The following HOXB6 variants were observed in gnomAD, a reference collection of about 807,000 sequenced individuals.
HOXB6 encodes the protein homeobox B6.
Under a neutral mutation model 24.2 loss-of-function variants are expected in HOXB6, and 18 were observed. The observed-to-expected ratio is 0.74, with a 90% CI of 0.51 to 1.10. The LOEUF is 1.10. Ranked by LOEUF, HOXB6 falls within the 50% of genes least tolerant of loss-of-function variation. The probability of loss-of-function intolerance (pLI) is 0.00; values close to 1 mark genes in which losing one functional copy is unlikely to be tolerated. For synonymous variants in HOXB6, 159 were observed against 139.1 expected (o/e 1.14, Z -1.01); for missense variants, 332 against 308.3 (o/e 1.08, Z -0.58).
chr17:48,600,064 T>C (rs951216681), intron 2 of HOXB6, among the ~76,000 whole-genome samples: 7 of 152,190 alleles, frequency 4.6e-5, no homozygotes, highest in African/African-American at 1.7e-4. Context: ...CTAACCTGAC[T>C]CTGTGGGAGT....
In HOXB6 at chr17:48,596,703, G is replaced by T. The variant is rs771024132; in HGVS notation, c.416-31C>A. 2 of 1,607,226 alleles carry T rather than the reference G, an allele frequency of 1.2e-6. No individual in the cohort carries two copies. Among genetic ancestry groups the T allele is most frequent in the Non-Finnish European group, 1.7e-6 (2 of 1,179,956 alleles). ...ACGCAGAGTGGAGATGCTGAGGCCT[G>T]CGGTCACCGGGCCCAGGACCCCCTC... is the stretch of plus-strand genomic sequence containing the variant. On this transcript the variant is annotated intron_variant, in intron 3 of 3. Coordinates refer to ENST00000225648, the MANE Select transcript of HOXB6 (RefSeq NM_018952.5). The surrounding 1 kb of genome is among the most constrained non-coding windows in gnomAD (Gnocchi z 4.8).
Position 48,596,381 on chromosome 17 carries a change from C to A in HOXB6, c.*32G>T. The A allele has an allele frequency of 6.2e-7, 1 of 1,614,180 alleles. No homozygotes were observed. On this transcript the variant is annotated 3_prime_UTR_variant, in exon 4 of 4. Coordinates refer to ENST00000225648, the MANE Select transcript of HOXB6 (RefSeq NM_018952.5). This position sits in a 1 kb window ranked among gnomAD's most constrained non-coding sequence, Gnocchi z 4.8. ...CGCCCTCGGCTCCCCACAGGCCTTT[C>A]CCCTCGCGTCCTCCCTCCCTTTCCA...
At chr17:48,602,254 T>G (rs761876476) in intron 2 of HOXB6, 1 of 455,608 alleles carries the variant, frequency 2.2e-6, no homozygotes, top group Non-Finnish European at 4.4e-6. Flanking sequence ...GACAACCGAG[T>G]GGAACTGACG....
intron 2 of HOXB6, among the ~76,000 whole-genome samples, 154 bp downstream of exon 2, chr17:48,604,326 A>C (rs11653186): frequency 2.6e-5 from 4 of 151,784 alleles, no homozygotes; most frequent in Non-Finnish European, 5.9e-5. Context: ...TATCTCCACC[A>C]CTGAATTTCC....
At chr17:48,600,548 AT>A (rs1470198785) in intron 2 of HOXB6, 10 of 455,440 alleles carry the variant, frequency 2.2e-5, no homozygotes, top group Non-Finnish European at 4.4e-5. Flanking sequence ...GCCCAGAGGT[AT>A]TTATGAGCGT....
chr17:48,598,056 T>C lies in HOXB6; in HGVS notation c.95A>G (p.Tyr32Cys). ...LGQLPLYSSG[Y>C]ADPLRHYPAP... Reference sequence around the variant, plus strand: ...GGGGTAATGTCTCAGCGGGTCCGCATAGCCCGACGAATAGAGCGGTAGCTG... The same window carrying C: ...GGGGTAATGTCTCAGCGGGTCCGCACAGCCCGACGAATAGAGCGGTAGCTG... Residue 32 changes from tyrosine to cysteine, a missense_variant, in exon 3 of 4, where the codon TAT (tyrosine) becomes TGT (cysteine). By Grantham distance (194) the Tyr-to-Cys change is radical (BLOSUM62 -2). Transcript: ENST00000225648. The C allele has an allele frequency of 6.2e-7, 1 of 1,603,644 alleles. No homozygotes were observed. Among genetic ancestry groups the C allele is most frequent in the Non-Finnish European group, 8.5e-7 (1 of 1,175,406 alleles).
At position 48,596,801 on chromosome 17, in the gene HOXB6, G is replaced by A; in HGVS notation, c.416-129C>T. 1 of 1,421,556 alleles carries A rather than the reference G, an allele frequency of 7.0e-7. No homozygotes were observed. Among genetic ancestry groups the A allele is most frequent in the Non-Finnish European group, 9.6e-7 (1 of 1,040,808 alleles). 88.1% of individuals were successfully genotyped at this position (1,421,556 alleles called of 1,614,324 possible). Reference sequence around the variant, plus strand: ...TCTATTCTGCCGGCTCCCTTCCCCCGTTTCGCACTCCTCCAGCGCCCCCTC... The same window carrying A: ...TCTATTCTGCCGGCTCCCTTCCCCCATTTCGCACTCCTCCAGCGCCCCCTC... On this transcript the variant is annotated intron_variant, in intron 3 of 3. Coordinates refer to ENST00000225648, the MANE Select transcript of HOXB6 (RefSeq NM_018952.5). The surrounding 1 kb of genome is among the most constrained non-coding windows in gnomAD (Gnocchi z 4.8).
intron 2 of HOXB6, among the ~76,000 whole-genome samples, chr17:48,602,837 A>G (rs545052455): frequency 1.3e-5 from 2 of 152,354 alleles, no homozygotes; most frequent in East Asian, 3.9e-4. Context: ...CTACAGGAGA[A>G]AAAGACCTTT....
chr17:48,597,801 T>C lies in HOXB6; in HGVS notation c.350A>G (p.Glu117Gly). 1.2e-6 allele frequency: 2 copies of C among 1,610,996 alleles called. No homozygotes were observed. The highest frequency in any genetic ancestry group is 1.7e-6 in the Non-Finnish European group (2 of 1,178,658). The change falls in exon 3 of 4, where the codon GAG (glutamate) becomes GGG (glycine). Residue 117 changes from glutamate (E) to glycine (G), a missense_variant. Glu to Gly is a moderately conservative substitution (Grantham distance 98). Transcript: ENST00000225648. Reference protein sequence around the residue: ...DCAQDKSVFGETEEQKCSTPV... With the variant: ...DCAQDKSVFGGTEEQKCSTPV... Reference sequence around the variant, plus strand: ...AGTGGAGCACTTCTGCTCTTCTGTCTCGCCGAACACGCTCTTGTCCTGCGC... The same window carrying C: ...AGTGGAGCACTTCTGCTCTTCTGTCCCGCCGAACACGCTCTTGTCCTGCGC...
chr17:48,604,888 T>C lies in HOXB6; in HGVS notation c.-241A>G, dbSNP rs886698005. 1.3e-5 allele frequency: 2 copies of C among 152,404 alleles called. No homozygotes were observed. Among genetic ancestry groups the C allele is most frequent in the African/African-American group, 4.8e-5 (2 of 41,376 alleles). The allele number at this position is 152,404 out of a possible 1,614,324, so 9.4% of individuals were successfully genotyped here. On this transcript the variant is annotated 5_prime_UTR_variant, in exon 1 of 4. Coordinates refer to ENST00000225648, the MANE Select transcript of HOXB6 (RefSeq NM_018952.5). Reference sequence around the variant, plus strand: ...CCCCTCTCTCGTCCTCTCTCTCTTTTGCTCTATCGAGCTGATACTGAAGTA... The same window carrying C: ...CCCCTCTCTCGTCCTCTCTCTCTTTCGCTCTATCGAGCTGATACTGAAGTA...
intron 2 of HOXB6, chr17:48,602,272 C>A (rs944174990): frequency 6.6e-6 from 3 of 455,104 alleles, no homozygotes; most frequent in African/African-American, 4.0e-5. Context: ...ACGGGGCCGG[C>A]GCCTGCCCTG....
rs527993573 is a variant in HOXB6, at chr17:48,602,089, A to C, written c.-79+2391T>G. 1.1e-5 allele frequency: 5 copies of C among 456,018 alleles called. No homozygotes were observed. In the East Asian group the frequency reaches 3.5e-4, roughly 32 times the overall value. The allele number at this position is 456,018 out of a possible 1,614,324, so 28.2% of individuals were successfully genotyped here. Reference sequence around the variant, plus strand: ...ATCATATTTAGGTAGACTTCGCTTGAAAAGATCGAGAATGGAGGAGGGGAT... The same window carrying C: ...ATCATATTTAGGTAGACTTCGCTTGCAAAGATCGAGAATGGAGGAGGGGAT... On this transcript the variant is annotated intron_variant, in intron 2 of 3. Transcript: ENST00000225648.
At chr17:48,597,134 T>A (rs946877414) in intron 3 of HOXB6, 37 of 1,038,448 alleles carry the variant, frequency 3.6e-5, no homozygotes, top group Non-Finnish European at 4.2e-5. Flanking sequence ...GGCCAACAAA[T>A]AATCCAACCT....
rs1322740801 is a variant in HOXB6 at position 48,596,379 on chromosome 17, T to C, written c.*34A>G. On this transcript the variant is annotated 3_prime_UTR_variant, in exon 4 of 4. Transcript: ENST00000225648. This position sits in a 1 kb window ranked among gnomAD's most constrained non-coding sequence, Gnocchi z 4.8. ...GACGCCCTCGGCTCCCCACAGGCCT[T>C]TCCCCTCGCGTCCTCCCTCCCTTTC... 1 of 1,613,948 alleles carries C rather than the reference T, an allele frequency of 6.2e-7. No homozygotes were observed. Among genetic ancestry groups the C allele is most frequent in the African/African-American group, 1.3e-5 (1 of 74,916 alleles).
At position 48,595,772 on chromosome 17, in the gene HOXB6, ATTGTTG is replaced by A. The variant is rs772248057; in HGVS notation, c.*635_*640del. ...AGCGTCGAGTTTTCACATCTTTATT[ATTGTTG>A]TTGTTGTTGTTATTATTATTATTAT... On this transcript the variant is annotated 3_prime_UTR_variant, in exon 4 of 4. Coordinates refer to ENST00000225648, the MANE Select transcript of HOXB6 (RefSeq NM_018952.5). 2 of 192,874 alleles carry A rather than the reference ATTGTTG, an allele frequency of 1.0e-5. No individual in the cohort carries two copies. The highest frequency in any genetic ancestry group is 2.1e-5 in the Non-Finnish European group (2 of 93,266). 11.9% of individuals were successfully genotyped at this position (192,874 alleles called of 1,614,324 possible). A position where few individuals can be genotyped will look rare whatever the true frequency, so the allele number is the denominator to read the frequency against.
At position 48,597,785 on chromosome 17, in the gene HOXB6, C is replaced by T. The variant is rs1396474380; in HGVS notation, c.366G>A (p.Lys122=). The change falls in exon 3 of 4, where the codon AAG becomes AAA. Residue 122 remains lysine (K), a synonymous_variant. Transcript: ENST00000225648. ...KSVFGETEEQ[K]CSTPVYPWMQ... ...TCCACGGGTAGACCGGAGTGGAGCA[C>T]TTCTGCTCTTCTGTCTCGCCGAACA... 1 of 1,612,022 alleles carries T rather than the reference C, an allele frequency of 6.2e-7. No individual in the cohort carries two copies. The highest frequency in any genetic ancestry group is 8.5e-7 in the Non-Finnish European group (1 of 1,179,158).
In HOXB6 at chr17:48,596,772, G is replaced by T; in HGVS notation, c.416-100C>A. 6.5e-7 allele frequency: 1 copy of T among 1,543,122 alleles called. No homozygotes were observed. Among genetic ancestry groups the T allele is most frequent in the Non-Finnish European group, 8.8e-7 (1 of 1,136,852 alleles). On this transcript the variant is annotated intron_variant, in intron 3 of 3. Coordinates refer to ENST00000225648, the MANE Select transcript of HOXB6 (RefSeq NM_018952.5). The surrounding 1 kb of genome is among the most constrained non-coding windows in gnomAD (Gnocchi z 4.8). ...CACAGACTCCAGCCAGTACCGGGATGCCCTCTATTCTGCCGGCTCCCTTCC... is the reference window on the plus strand; with the variant it reads ...CACAGACTCCAGCCAGTACCGGGATTCCCTCTATTCTGCCGGCTCCCTTCC...
At chr17:48,600,783 G>A (rs765541838) in intron 2 of HOXB6, among the ~76,000 whole-genome samples, 1 of 152,134 alleles carries the variant, frequency 6.6e-6, no homozygotes, top group Non-Finnish European at 1.5e-5. Context: ...TCAGAGAGAT[G>A]GATAGAAGTG....
chr17:48,602,265 G>A, intron 2 of HOXB6: 1 of 455,632 alleles, frequency 2.2e-6, no homozygotes, highest in South Asian at 1.6e-5. Flanking sequence ...GGAACTGACG[G>A]GGCCGGCGCC....
Sources: gnomAD v4.1 joint callset for allele counts (sites outside exome capture counted in the v4.1 genomes callset) on GRCh38, gnomAD v4.1.1 for gene constraint, Gnocchi (gnomAD v3.1) non-coding constraint, MANE v1.5 for transcripts, NCBI Gene and HGNC (gene_info 2026-07-23, HGNC 2026-07-21) for gene names.